The following FRMD5 variants were observed in gnomAD, a reference collection of about 807,000 sequenced individuals.
FRMD5 encodes FERM domain-containing protein 5.
FRMD5 carries 20 observed loss-of-function variants against 69.0 expected under a neutral mutation model. That is an observed-to-expected ratio of 0.29 (90% CI 0.20 to 0.42). The LOEUF (loss-of-function observed/expected upper bound fraction) is 0.42. Ranked by LOEUF, FRMD5 falls within the 10% of genes least tolerant of loss-of-function variation. The pLI, the probability that FRMD5 is intolerant of heterozygous loss-of-function variation, is 1.00. For synonymous variants in FRMD5, 271 were observed against 260.1 expected, an observed-to-expected ratio of 1.04 and a Z score of -0.40; for missense variants, 595 against 708.6, an observed-to-expected ratio of 0.84 and a Z score of 1.82.
intron 1 of FRMD5, among the ~76,000 whole-genome samples, chr15:44,182,542 G>A (rs1333520617): frequency 6.7e-6 from 1 of 149,960 alleles, no homozygotes; most frequent in Non-Finnish European, 1.5e-5. Flanking sequence ...TGTTAGCCAG[G>A]ATGGTCTCGA....
intron 1 of FRMD5, among the ~76,000 whole-genome samples, chr15:44,169,553 ATC>A (rs1595550365): frequency 6.6e-6 from 1 of 152,146 alleles, no homozygotes; most frequent in African/African-American, 2.4e-5. Flanking sequence ...ATTCAGGCAC[ATC>A]TCTCTTTCCA....
chr15:44,138,011 T>C (rs1335155761), intron 1 of FRMD5, among the ~76,000 whole-genome samples: 1 of 152,134 alleles, frequency 6.6e-6, no homozygotes, highest in Non-Finnish European at 1.5e-5. Flanking sequence ...CTATTTACCA[T>C]TATCACAATG....
At chr15:43,915,080 G>A (rs999224282) in intron 4 of FRMD5, among the ~76,000 whole-genome samples, 1 of 152,182 alleles carries the variant, frequency 6.6e-6, no homozygotes, top group African/African-American at 2.4e-5. Context: ...AGTGCTTAGA[G>A]ATACTGTTCT....
chr15:44,184,301 C>CA (rs1270101955), intron 1 of FRMD5, among the ~76,000 whole-genome samples: 1 of 152,000 alleles, frequency 6.6e-6, no homozygotes, highest in Non-Finnish European at 1.5e-5. Context: ...AAATTATTAC[C>CA]AAAAAAAGTT....
chr15:43,951,159 A>AC (rs2090020397), intron 1 of FRMD5, among the ~76,000 whole-genome samples: 1 of 152,012 alleles, frequency 6.6e-6, no homozygotes, highest in South Asian at 2.1e-4. Context: ...GGTGGCTCAC[A>AC]CCTATAATCC....
At chr15:44,165,131 A>G (rs768566573) in intron 1 of FRMD5, among the ~76,000 whole-genome samples, 98 of 152,304 alleles carry the variant, frequency 6.4e-4, no homozygotes, top group Non-Finnish European at 6.9e-4. Context: ...AAAATCAACC[A>G]AAGTCGGCCA....
At chr15:43,893,974 A>T (rs972808408) in intron 7 of FRMD5, among the ~76,000 whole-genome samples, 16 of 152,188 alleles carry the variant, frequency 1.1e-4, no homozygotes, top group African/African-American at 3.9e-4. Context: ...TGTTGTTATT[A>T]TCCTTTCCTC....
chr15:44,121,618 T>C (rs1595488579), intron 1 of FRMD5, among the ~76,000 whole-genome samples: 1 of 151,226 alleles, frequency 6.6e-6, no homozygotes, highest in South Asian at 2.1e-4. Flanking sequence ...AGATCTTTCA[T>C]GGGTATCTCC....
Position 43,902,333 on chromosome 15 carries a change from T to A in FRMD5, c.552-71A>T, listed in dbSNP as rs572563350. On this transcript the variant is annotated intron_variant, in intron 6 of 13. Coordinates refer to ENST00000417257, the MANE Select transcript of FRMD5 (RefSeq NM_032892.5). ...AGGTTCCCCTGAGGTAAACTCTCTATGAAGATGTGCTTAGGATGAGCCACA... is the reference window on the plus strand; with the variant it reads ...AGGTTCCCCTGAGGTAAACTCTCTAAGAAGATGTGCTTAGGATGAGCCACA... The A allele has an allele frequency of 3.2e-5, 40 of 1,264,932 alleles. No homozygotes were observed. In the African/African-American group the frequency reaches 4.8e-4, roughly 15 times the overall value. The allele number at this position is 1,264,932 out of a possible 1,614,324, so 78.4% of individuals were successfully genotyped here. A position where few individuals can be genotyped will look rare whatever the true frequency, so the allele number is the denominator to read the frequency against.
chr15:43,919,386 TA>T, intron 4 of FRMD5, 72 bp downstream of exon 4: 1 of 1,301,580 alleles, frequency 7.7e-7, no homozygotes, highest in Non-Finnish European at 1.1e-6. Context: ...TGAGAGGCTC[TA>T]AGAGGTCACC....
At chr15:43,999,973 T>TATATATATGCATGGC (rs1890133737) in intron 1 of FRMD5, among the ~76,000 whole-genome samples, 2 of 56,616 alleles carry the variant, frequency 3.5e-5, no homozygotes, top group African/African-American at 1.2e-4. Context: ...TATATATATA[T>TATATATATGCATGGC]ATATATATAT....
At chr15:44,099,457 A>T (rs1170170082) in intron 1 of FRMD5, among the ~76,000 whole-genome samples, 1 of 152,142 alleles carries the variant, frequency 6.6e-6, no homozygotes, top group African/African-American at 2.4e-5. Context: ...TCTTTGACAC[A>T]CATGAATTCC....
rs879937526 is a variant in FRMD5, at chr15:44,022,402, TA to T, written c.103-98094del. 1.3e-3 allele frequency among the ~76,000 whole-genome samples: 180 copies of T among 140,418 alleles called. 2 individuals carry two copies. The highest frequency in any genetic ancestry group is 6.5e-3 in the East Asian group (32 of 4,886). The allele number at this position is 140,418 out of a possible 152,430, so 92.1% of individuals were successfully genotyped here. On this transcript the variant is annotated intron_variant, in intron 1 of 13. Transcript: ENST00000417257. ...CAACATGGTGAAACACCATCTCTAC[TA>T]AAAAAAAAAAACATACGAAAATTAG...
At chr15:44,056,565 T>A (rs1330662600) in intron 1 of FRMD5, among the ~76,000 whole-genome samples, 1 of 152,226 alleles carries the variant, frequency 6.6e-6, no homozygotes, top group East Asian at 1.9e-4. Context: ...AGTTTCCTAA[T>A]GACAGTTTTA....
chr15:44,095,356 C>T (rs948296316), intron 1 of FRMD5, among the ~76,000 whole-genome samples: 1 of 151,974 alleles, frequency 6.6e-6, no homozygotes, highest in Non-Finnish European at 1.5e-5. Context: ...ACATGCACCA[C>T]GACACTTGGC....
chr15:44,192,184 C>T (rs955346365), intron 1 of FRMD5, among the ~76,000 whole-genome samples: 1 of 151,958 alleles, frequency 6.6e-6, no homozygotes. Flanking sequence ...AGATATAAGG[C>T]ATTTTCATTA....
intron 1 of FRMD5, among the ~76,000 whole-genome samples, chr15:44,008,089 ATTTTTTTTTTTT>A (rs35785368): frequency 0.021 from 1,319 of 62,930 alleles, 37 homozygotes; most frequent in African/African-American, 0.068. Flanking sequence ...ACAATCGGCA[ATTTTTTTTTTTT>A]TTTTTTTTTT....
intron 1 of FRMD5, among the ~76,000 whole-genome samples, chr15:44,033,356 T>C (rs2140290800): frequency 6.6e-6 from 1 of 152,202 alleles, no homozygotes; most frequent in East Asian, 1.9e-4. Flanking sequence ...TGTTTACATA[T>C]GTAAAAAACC....
chr15:44,148,128 C>T (rs2140463054), intron 1 of FRMD5, among the ~76,000 whole-genome samples: 1 of 152,236 alleles, frequency 6.6e-6, no homozygotes, highest in Admixed American at 6.5e-5. Flanking sequence ...TGTTTCCCTC[C>T]CTTAATTTTT....
Sources: allele counts gnomAD v4.1 joint callset (sites outside exome capture counted in the v4.1 genomes callset), GRCh38; gene constraint gnomAD v4.1.1; transcripts MANE v1.5; gene names NCBI Gene and HGNC (gene_info 2026-07-23, HGNC 2026-07-21).